The following TUSC3 variants were observed in gnomAD, a reference collection of about 807,000 sequenced individuals.
TUSC3 encodes dolichyl-diphosphooligosaccharide--protein glycosyltransferase subunit TUSC3.
TUSC3 carries 45 observed loss-of-function variants against 44.8 expected under a neutral mutation model. That is an observed-to-expected ratio of 1.00 (90% CI 0.79 to 1.29). TUSC3 has a LOEUF of 1.29. Among genes scored for constraint, TUSC3 ranks in the 50% most tolerant of loss-of-function variants. The pLI is 0.00. For missense variants in TUSC3, 519 were observed against 437.9 expected (o/e 1.19, Z -1.65); for synonymous variants, 212 against 152.9 (o/e 1.39, Z -2.85).
chr8:15,618,060 T>C (rs1805072894), intron 1 of TUSC3, among the ~76,000 whole-genome samples: 1 of 152,198 alleles, frequency 6.6e-6, no homozygotes, highest in East Asian at 1.9e-4. Context: ...AGCAAAGATA[T>C]GGTATAAAAG....
the TUSC3 span, among the ~76,000 whole-genome samples, chr8:15,837,244 T>C: frequency 1.3e-5 from 2 of 152,136 alleles, no homozygotes; most frequent in African/African-American, 4.8e-5. Context: ...TCACGTAACT[T>C]ATTAAGATAA....
intron 2 of TUSC3, among the ~76,000 whole-genome samples, chr8:15,534,978 A>G (rs911719394): frequency 6.6e-6 from 1 of 152,180 alleles, no homozygotes; most frequent in African/African-American, 2.4e-5. Context: ...TTAGGTTTTC[A>G]ATTTTGTCTA....
chr8:15,839,332 T>G, the TUSC3 span, among the ~76,000 whole-genome samples: 2 of 152,004 alleles, frequency 1.3e-5, no homozygotes, highest in Non-Finnish European at 2.9e-5. Context: ...CCTCTTTTCC[T>G]AATGGAATAC....
intron 6 of TUSC3, among the ~76,000 whole-genome samples, chr8:15,724,900 C>T (rs189724390): frequency 9.7e-4 from 148 of 152,214 alleles, no homozygotes; most frequent in Non-Finnish European, 1.6e-3. Context: ...CCTCTAGCTG[C>T]GGACAAGCTC....
At chr8:15,819,315 C>T in the TUSC3 span, among the ~76,000 whole-genome samples, 1 of 152,258 alleles carries the variant, frequency 6.6e-6, no homozygotes, top group East Asian at 1.9e-4. Flanking sequence ...TTTAATTTTA[C>T]AGAATTAAAA....
the TUSC3 span, among the ~76,000 whole-genome samples, chr8:15,835,386 G>C: frequency 6.6e-6 from 1 of 151,698 alleles, no homozygotes; most frequent in Non-Finnish European, 1.5e-5. Flanking sequence ...TTTTTTAATG[G>C]AAGAATTGGA....
chr8:15,581,417 T>G (rs1215948717), intron 1 of TUSC3, among the ~76,000 whole-genome samples: 2 of 149,704 alleles, frequency 1.3e-5, no homozygotes, highest in African/African-American at 5.0e-5. Context: ...TTTCCAGTTT[T>G]TCAGTTCTGT....
chr8:15,431,716 A>G (rs182258247), intron 1 of TUSC3, among the ~76,000 whole-genome samples: 7 of 151,730 alleles, frequency 4.6e-5, no homozygotes, highest in Non-Finnish European at 1.0e-4. Context: ...TAGAACTGGT[A>G]AGACTGGGCA....
chr8:15,563,293 C>G (rs898584833), intron 1 of TUSC3, among the ~76,000 whole-genome samples: 1 of 151,968 alleles, frequency 6.6e-6, no homozygotes, highest in Non-Finnish European at 1.5e-5. Context: ...CTATGTCTCT[C>G]GATTTATTTG....
intron 6 of TUSC3, among the ~76,000 whole-genome samples, chr8:15,674,992 C>T (rs977060959): frequency 4.6e-5 from 7 of 152,056 alleles, no homozygotes; most frequent in Non-Finnish European, 1.0e-4. Context: ...TCTTCCTCCT[C>T]CCTGGTCCCT....
chr8:15,786,941 CAAAAAAAAAAAA>C, the TUSC3 span, among the ~76,000 whole-genome samples: 8 of 63,378 alleles, frequency 1.3e-4, no homozygotes, highest in African/African-American at 5.2e-4. Flanking sequence ...GAGACTCCAT[CAAAAAAAAAAAA>C]AAAAAAAAAA....
chr8:15,787,360 G>C, the TUSC3 span, among the ~76,000 whole-genome samples: 4 of 152,128 alleles, frequency 2.6e-5, no homozygotes, highest in Non-Finnish European at 4.4e-5. Flanking sequence ...ACTAGGCATG[G>C]AATATAAAAT....
chr8:15,759,784 C>T (rs1232385745), intron 10 of TUSC3, among the ~76,000 whole-genome samples: 2 of 152,098 alleles, frequency 1.3e-5, no homozygotes, highest in African/African-American at 4.8e-5. Flanking sequence ...ACATCCAGAA[C>T]CAGACCTGAA....
At chr8:15,448,835 C>G (rs1319560452) in intron 1 of TUSC3, among the ~76,000 whole-genome samples, 1 of 152,054 alleles carries the variant, frequency 6.6e-6, no homozygotes, top group African/African-American at 2.4e-5. Flanking sequence ...TCAACAGACT[C>G]TATATATGAT....
chr8:15,496,506 G>A lies in TUSC3; in HGVS notation n.189+13023G>A, dbSNP rs1026094415. On this transcript the variant is annotated intron_variant and non_coding_transcript_variant, in intron 2 of 5. Coordinates refer to the TUSC3 transcript ENST00000503191. ...AAACACCCTCTGAGTTCAACCCCTTGTATGCTGTCCTAGCTTCTGATACAT... is the reference window on the plus strand; with the variant it reads ...AAACACCCTCTGAGTTCAACCCCTTATATGCTGTCCTAGCTTCTGATACAT... Among the ~76,000 whole-genome samples the A allele has an allele frequency of 3.9e-5, 6 of 152,272 alleles. No homozygotes were observed. The Middle Eastern group carries it at 0.01, about 259-fold the overall frequency.
Position 15,494,320 on chromosome 8 carries a change from C to CTTTT in TUSC3, n.189+10849_189+10852dup, listed in dbSNP as rs71211045. 1.6e-3 allele frequency among the ~76,000 whole-genome samples: 221 copies of CTTTT among 136,562 alleles called. 6 individuals carry two copies. Among genetic ancestry groups the CTTTT allele is most frequent in the Admixed American group, 2.8e-3 (37 of 13,354 alleles). 89.6% of individuals were successfully genotyped at this position (136,562 alleles called of 152,430 possible). A position where few individuals can be genotyped will look rare whatever the true frequency, so the allele number is the denominator to read the frequency against. On this transcript the variant is annotated intron_variant and non_coding_transcript_variant, in intron 2 of 5. Transcript: ENST00000503191. ...CTCCATAGGGCTTATCTCTCATCTT[C>CTTTT]TTTTTTTTTTTTTTTGAGACAGAGT...
downstream of TUSC3, among the ~76,000 whole-genome samples, chr8:15,767,115 G>T (rs1336973342): frequency 1.3e-5 from 2 of 152,090 alleles, no homozygotes; most frequent in Non-Finnish European, 2.9e-5. Context: ...ATTGTAGCTA[G>T]TCACACTCAA....
chr8:15,607,024 A>G (rs1259598450), intron 1 of TUSC3, among the ~76,000 whole-genome samples: 1 of 151,982 alleles, frequency 6.6e-6, no homozygotes, highest in Non-Finnish European at 1.5e-5. Context: ...TTCAACATGG[A>G]TGGTATCTTA....
intron 1 of TUSC3, among the ~76,000 whole-genome samples, chr8:15,549,402 G>C (rs1563284158): frequency 6.6e-6 from 1 of 151,528 alleles, no homozygotes; most frequent in African/African-American, 2.4e-5. Context: ...TCAAACTCCT[G>C]ACCTCGTGAT....
Sources: gnomAD v4.1 joint callset for allele counts (sites outside exome capture counted in the v4.1 genomes callset) on GRCh38, gnomAD v4.1.1 for gene constraint, MANE v1.5 for transcripts, NCBI Gene and HGNC (gene_info 2026-07-23, HGNC 2026-07-21) for gene names.